MYO5B: variants seen among roughly 807,000 people sequenced by gnomAD.
MYO5B encodes unconventional myosin-Vb.
MYO5B carries 143 observed loss-of-function variants against 229.3 expected under a neutral mutation model. The observed-to-expected ratio is 0.62, with a 90% CI of 0.54 to 0.72. MYO5B has a LOEUF of 0.72. Among genes scored for constraint, MYO5B ranks in the 30% least tolerant of loss-of-function variants. MYO5B has a pLI of 0.00. For synonymous variants in MYO5B, 918 were observed against 885.2 expected (o/e 1.04, Z -0.66); for missense variants, 2,321 against 2,331.0 (o/e 1.00, Z 0.09).
intron 1 of MYO5B, among the ~76,000 whole-genome samples, chr18:50,115,523 AACAC>A (rs111340318): frequency 8.4e-4 from 122 of 144,808 alleles, no homozygotes; most frequent in Non-Finnish European, 9.1e-4. Context: ...AAATAAATAA[AACAC>A]ACACACACAC....
At chr18:50,098,302 G>A (rs576114986) in intron 1 of MYO5B, among the ~76,000 whole-genome samples, 121 of 152,178 alleles carry the variant, frequency 8.0e-4, no homozygotes, top group Non-Finnish European at 1.6e-3. Context: ...TGTTCCAATT[G>A]TTTAAGGGGC....
chr18:49,959,353 G>T (rs2025531235), intron 12 of MYO5B, among the ~76,000 whole-genome samples: 1 of 152,180 alleles, frequency 6.6e-6, no homozygotes, highest in African/African-American at 2.4e-5. Context: ...TGTGGCAAGG[G>T]CACTTCACCT....
At chr18:49,892,349 C>T (rs895030735) in intron 22 of MYO5B, among the ~76,000 whole-genome samples, 11 of 152,178 alleles carry the variant, frequency 7.2e-5, no homozygotes, top group Non-Finnish European at 1.6e-4. Context: ...TGAATTCCTG[C>T]CCTCGGGGAG....
chr18:50,041,898 CAA>C (rs144181107), intron 2 of MYO5B, among the ~76,000 whole-genome samples: 1,736 of 152,154 alleles, frequency 0.011, 33 homozygotes, highest in African/African-American at 0.039. Context: ...TCTTAATATA[CAA>C]AGAGTTATAA....
In MYO5B at chr18:50,141,256, C is replaced by T. The variant is rs566590319; in HGVS notation, c.27+53511G>A. 3.3e-5 allele frequency among the ~76,000 whole-genome samples: 5 copies of T among 152,370 alleles called. No individual in the cohort carries two copies. In the East Asian group the frequency reaches 5.8e-4, roughly 18 times the overall value. On this transcript the variant is annotated intron_variant, in intron 1 of 39. Transcript: ENST00000285039. ...ACACCCAGGAGTCACTGCCCCTTTC[C>T]ATGGCACGGACCTGATGACTGAAAA... is the stretch of plus-strand genomic sequence containing the variant.
At chr18:49,919,220 C>G (rs1334189522) in intron 17 of MYO5B, among the ~76,000 whole-genome samples, 4 of 151,818 alleles carry the variant, frequency 2.6e-5, no homozygotes, top group Non-Finnish European at 5.9e-5. Flanking sequence ...CAGTAAAACT[C>G]TTGGAAGAAA....
At chr18:50,084,839 G>T (rs1399912905) in intron 1 of MYO5B, among the ~76,000 whole-genome samples, 12 of 150,100 alleles carry the variant, frequency 8.0e-5, no homozygotes, top group South Asian at 4.3e-4. Context: ...AATAAATGGT[G>T]CTGGGAAAAC....
intron 27 of MYO5B, among the ~76,000 whole-genome samples, chr18:49,864,753 G>A (rs1377288685): frequency 6.6e-6 from 1 of 152,188 alleles, no homozygotes; most frequent in Non-Finnish European, 1.5e-5. Context: ...ATGTTCACAC[G>A]CTTTGTGACT....
intron 22 of MYO5B, among the ~76,000 whole-genome samples, chr18:49,881,796 G>A (rs1277454751): frequency 1.0e-4 from 6 of 57,878 alleles, no homozygotes; most frequent in Admixed American, 2.3e-4. Context: ...GTGAGACTCC[G>A]TCTCAAAAAA....
intron 26 of MYO5B, among the ~76,000 whole-genome samples, chr18:49,872,906 C>A (rs542257570): frequency 6.6e-6 from 1 of 152,258 alleles, no homozygotes; most frequent in African/African-American, 2.4e-5. Context: ...TTTCAGCAGC[C>A]CTAGGAAGCT....
At chr18:50,104,248 C>A (rs988811429) in intron 1 of MYO5B, among the ~76,000 whole-genome samples, 1 of 131,852 alleles carries the variant, frequency 7.6e-6, no homozygotes, top group Non-Finnish European at 1.6e-5. Flanking sequence ...ATTTAAGATT[C>A]CTGGGGATCT....
At chr18:49,958,469 A>G (rs761012768) in intron 12 of MYO5B, among the ~76,000 whole-genome samples, 4 of 152,164 alleles carry the variant, frequency 2.6e-5, no homozygotes, top group Non-Finnish European at 4.4e-5. Flanking sequence ...GAAGCTGTCA[A>G]GCAGGAAATC....
intron 36 of MYO5B, among the ~76,000 whole-genome samples, chr18:49,838,629 A>G (rs953764214): frequency 3.3e-5 from 5 of 152,184 alleles, no homozygotes; most frequent in African/African-American, 1.2e-4. Flanking sequence ...TAATGCATCT[A>G]CACATAATTT....
intron 1 of MYO5B, among the ~76,000 whole-genome samples, chr18:50,102,986 T>C (rs892179211): frequency 2.0e-5 from 3 of 152,078 alleles, no homozygotes; most frequent in Non-Finnish European, 4.4e-5. Flanking sequence ...ATCCAACAGA[T>C]TGTATGTGAT....
chr18:49,847,754 C>A (rs950484452), intron 32 of MYO5B, among the ~76,000 whole-genome samples: 1 of 152,374 alleles, frequency 6.6e-6, no homozygotes, highest in South Asian at 2.1e-4. Context: ...TGTGTGGCCA[C>A]AACGTGGCCA....
At chr18:50,016,353 T>C (rs2144351070) in intron 4 of MYO5B, among the ~76,000 whole-genome samples, 1 of 152,382 alleles carries the variant, frequency 6.6e-6, no homozygotes, top group Non-Finnish European at 1.5e-5. Context: ...GTTTAAAGGC[T>C]GGCATCTAAT....
At chr18:49,854,561 A>C (rs1421307938) in intron 30 of MYO5B, among the ~76,000 whole-genome samples, 1 of 152,206 alleles carries the variant, frequency 6.6e-6, no homozygotes, top group East Asian at 1.9e-4. Flanking sequence ...CTTCATATGG[A>C]AGAAAGCTAG....
intron 14 of MYO5B, among the ~76,000 whole-genome samples, chr18:49,952,249 T>A (rs977078959): frequency 9.9e-5 from 15 of 152,192 alleles, no homozygotes; most frequent in African/African-American, 3.6e-4. Flanking sequence ...CAAAGAGAAA[T>A]TAATCTGCCA....
chr18:50,116,240 C>T (rs1458700302), intron 1 of MYO5B, among the ~76,000 whole-genome samples: 2 of 152,142 alleles, frequency 1.3e-5, no homozygotes, highest in Admixed American at 6.5e-5. Context: ...GATCCATGCC[C>T]ACAACAGCCT....
Sources: allele counts gnomAD v4.1 joint callset (sites outside exome capture counted in the v4.1 genomes callset), GRCh38; gene constraint gnomAD v4.1.1; transcripts MANE v1.5; gene names NCBI Gene and HGNC (gene_info 2026-07-23, HGNC 2026-07-21).